The following CSMD1 variants were observed in gnomAD, a reference collection of about 807,000 sequenced individuals.
The protein encoded by CSMD1 is CUB and Sushi multiple domains 1.
CSMD1 carries 213 observed loss-of-function variants against 417.5 expected under a neutral mutation model. The observed-to-expected ratio is 0.51, with a 90% CI of 0.46 to 0.57. The LOEUF is 0.57. Among genes scored for constraint, CSMD1 ranks in the 20% least tolerant of loss-of-function variants. CSMD1 has a pLI of 0.00. For missense variants in CSMD1, 6,923 were observed against 4,529.7 expected, an observed-to-expected ratio of 1.53 and a Z score of -15.17; for synonymous variants, 2,862 against 1,736.8, an observed-to-expected ratio of 1.65 and a Z score of -16.11.
At chr8:4,733,482 G>A (rs900381997) in intron 1 of CSMD1, among the ~76,000 whole-genome samples, 10 of 152,138 alleles carry the variant, frequency 6.6e-5, no homozygotes, top group Non-Finnish European at 1.3e-4. Context: ...TCTATTACAG[G>A]ACTGCCAGTT....
intron 7 of CSMD1, among the ~76,000 whole-genome samples, chr8:3,645,202 A>G (rs998341545): frequency 6.6e-6 from 1 of 152,172 alleles, no homozygotes; most frequent in Non-Finnish European, 1.5e-5. Context: ...GGGCCATGCA[A>G]GAAACCAATG....
At chr8:3,040,857 A>C (rs1196537497) in intron 50 of CSMD1, among the ~76,000 whole-genome samples, 1 of 152,178 alleles carries the variant, frequency 6.6e-6, no homozygotes, top group South Asian at 2.1e-4. Context: ...TTTTGTCGAA[A>C]ATAATCTGTT....
At position 3,057,677 on chromosome 8, in the gene CSMD1, T is replaced by G. The variant is rs575439480; in HGVS notation, c.7475-5030A>C. ...GTTACAGATGCTAACATTTTTTATATCATTTTCCCCAAGTCTAATAGTCAT... is the reference window on the plus strand; with the variant it reads ...GTTACAGATGCTAACATTTTTTATAGCATTTTCCCCAAGTCTAATAGTCAT... On this transcript the variant is annotated intron_variant, in intron 49 of 69. Coordinates refer to ENST00000635120, the MANE Select transcript of CSMD1 (RefSeq NM_033225.6). 6.6e-5 allele frequency among the ~76,000 whole-genome samples: 10 copies of G among 152,162 alleles called. No homozygotes were observed. In the South Asian group the frequency reaches 2.1e-3, roughly 31 times the overall value.
chr8:3,965,716 C>T (rs945607124), intron 5 of CSMD1, among the ~76,000 whole-genome samples: 3 of 152,130 alleles, frequency 2.0e-5, no homozygotes, highest in African/African-American at 7.2e-5. Context: ...CTCCCACTTT[C>T]CGGAGATTCT....
At chr8:4,715,319 A>G (rs977740877) in intron 1 of CSMD1, among the ~76,000 whole-genome samples, 5 of 152,212 alleles carry the variant, frequency 3.3e-5, no homozygotes, top group African/African-American at 9.6e-5. Flanking sequence ...TGTTTGGTTT[A>G]CACAAAGTAA....
At chr8:4,696,521 T>G (rs902706013) in intron 1 of CSMD1, among the ~76,000 whole-genome samples, 5 of 152,316 alleles carry the variant, frequency 3.3e-5, no homozygotes, top group East Asian at 1.9e-4. Flanking sequence ...GTCTTAAACA[T>G]TATCCTACCC....
chr8:3,257,300 C>T lies in CSMD1; in HGVS notation c.4153+26844G>A, dbSNP rs573609670. On this transcript the variant is annotated intron_variant, in intron 26 of 69. Transcript: ENST00000635120. ...AACCGTGCCACTGCACTCCAGCCCG[C>T]GCTATAAGAGTGAAACTCCATCTCA... 2.2e-3 allele frequency among the ~76,000 whole-genome samples: 328 copies of T among 152,226 alleles called. 1 individual carries two copies. The highest frequency in any genetic ancestry group is 2.6e-3 in the Non-Finnish European group (178 of 68,022).
At chr8:4,224,331 T>C (rs980072108) in intron 3 of CSMD1, among the ~76,000 whole-genome samples, 1 of 152,180 alleles carries the variant, frequency 6.6e-6, no homozygotes, top group Non-Finnish European at 1.5e-5. Context: ...CAAGAGCACA[T>C]TTTGGCAGCC....
chr8:3,177,256 G>A (rs1429588033), intron 37 of CSMD1, among the ~76,000 whole-genome samples: 1 of 152,150 alleles, frequency 6.6e-6, no homozygotes, highest in Non-Finnish European at 1.5e-5. Context: ...TGGGGAGTGT[G>A]CCCTTCCACC....
rs548211008 is a variant in CSMD1, at chr8:4,145,920, G to A, written c.416-113821C>T. 2.6e-5 allele frequency among the ~76,000 whole-genome samples: 4 copies of A among 151,042 alleles called. No homozygotes were observed. In the East Asian group the frequency reaches 5.8e-4, roughly 22 times the overall value. ...ATGCTCATCCCTTGGCACATGATTGGCCCCATTGTTTGTAAGACTGACCAC... is the reference window on the plus strand; with the variant it reads ...ATGCTCATCCCTTGGCACATGATTGACCCCATTGTTTGTAAGACTGACCAC... On this transcript the variant is annotated intron_variant, in intron 3 of 69. Coordinates refer to ENST00000635120, the MANE Select transcript of CSMD1 (RefSeq NM_033225.6).
At chr8:3,346,972 G>C (rs1335191164) in intron 22 of CSMD1, among the ~76,000 whole-genome samples, 2 of 152,202 alleles carry the variant, frequency 1.3e-5, no homozygotes, top group Non-Finnish European at 2.9e-5. Flanking sequence ...CTGGACGGAT[G>C]ATTTATAGCA....
intron 3 of CSMD1, among the ~76,000 whole-genome samples, chr8:4,273,973 T>C (rs1449012114): frequency 6.6e-6 from 1 of 152,180 alleles, no homozygotes; most frequent in East Asian, 1.9e-4. Flanking sequence ...CAGAACGACA[T>C]TTGTATTGCT....
At chr8:3,468,353 A>G (rs1816900667) in intron 12 of CSMD1, among the ~76,000 whole-genome samples, 1 of 152,298 alleles carries the variant, frequency 6.6e-6, no homozygotes, top group Middle Eastern at 3.4e-3. Context: ...CAGATTCACT[A>G]TATTGTCTTT....
At chr8:3,584,569 G>C (rs1166326156) in intron 9 of CSMD1, among the ~76,000 whole-genome samples, 2 of 152,156 alleles carry the variant, frequency 1.3e-5, no homozygotes, top group East Asian at 3.9e-4. Flanking sequence ...AGGATACTGA[G>C]AAAGGGCTTT....
intron 9 of CSMD1, among the ~76,000 whole-genome samples, chr8:3,584,207 C>A (rs1006838055): frequency 6.6e-6 from 1 of 152,012 alleles, no homozygotes; most frequent in African/African-American, 2.4e-5. Flanking sequence ...TTAAGCAGAA[C>A]GAGGGAATCA....
At chr8:2,969,709 G>C (rs11997915) in intron 57 of CSMD1, among the ~76,000 whole-genome samples, 2 of 152,144 alleles carry the variant, frequency 1.3e-5, no homozygotes, top group East Asian at 3.9e-4. Flanking sequence ...CTTTTTCATC[G>C]AGAGGAACTC....
chr8:3,501,851 A>C (rs1796613951), intron 10 of CSMD1, among the ~76,000 whole-genome samples: 1 of 152,222 alleles, frequency 6.6e-6, no homozygotes, highest in South Asian at 2.1e-4. Flanking sequence ...CCAATCATAA[A>C]ACAACTAAAA....
intron 3 of CSMD1, among the ~76,000 whole-genome samples, chr8:4,383,608 G>C (rs1233088443): frequency 6.6e-6 from 1 of 152,198 alleles, no homozygotes; most frequent in East Asian, 1.9e-4. Context: ...GTTTAATAAA[G>C]ACGTGCTGAT....
intron 23 of CSMD1, among the ~76,000 whole-genome samples, chr8:3,327,147 C>CT (rs34203580): frequency 2.9e-3 from 431 of 148,206 alleles, no homozygotes; most frequent in Non-Finnish European, 4.7e-3. Flanking sequence ...ACAATACCAT[C>CT]TTTTTTTTTT....
Sources: gnomAD v4.1 joint callset for allele counts (sites outside exome capture counted in the v4.1 genomes callset) on GRCh38, gnomAD v4.1.1 for gene constraint, MANE v1.5 for transcripts, NCBI Gene and HGNC (gene_info 2026-07-23, HGNC 2026-07-21) for gene names.